PCDH19: variants seen among roughly 807,000 people sequenced by gnomAD.
PCDH19 encodes the protein protocadherin-19.
PCDH19 carries 6 observed loss-of-function variants against 46.2 expected under a neutral mutation model. That is an observed-to-expected ratio of 0.13 (90% CI 0.07 to 0.26). The LOEUF is 0.26. Among genes scored for constraint, PCDH19 ranks in the 10% least tolerant of loss-of-function variants. PCDH19 has a pLI of 1.00. For missense variants in PCDH19, 740 were observed against 972.3 expected, an observed-to-expected ratio of 0.76 and a Z score of 3.18; for synonymous variants, 481 against 415.7, an observed-to-expected ratio of 1.16 and a Z score of -1.91.
rs181838437 is a variant in PCDH19, at chrX:100,340,254, A to T, written c.2848+1649T>A. Among the ~76,000 whole-genome samples the T allele has an allele frequency of 6.3e-5, 7 of 111,989 alleles. No individual in the cohort carries two copies. In the East Asian group the frequency reaches 2.0e-3, roughly 31 times the overall value. ...GTAATACATCCAATTTGTAAGAAAC[A>T]CTCTCTCAGAAAAAACTAGCTGCAG... On this transcript the variant is annotated intron_variant, in intron 5 of 5. Transcript: ENST00000373034.
At chrX:100,363,856 C>CATGTGTGCGTGT (rs57620335) in intron 3 of PCDH19, among the ~76,000 whole-genome samples, 2 of 88,970 alleles carry the variant, frequency 2.2e-5, no homozygotes, top group African/African-American at 8.7e-5. Context: ...AATGTGCGTG[C>CATGTGTGCGTGT]GTGTGTGTGT....
chrX:100,381,901 T>C (rs1927563285), intron 3 of PCDH19, among the ~76,000 whole-genome samples: 1 of 111,340 alleles, frequency 9.0e-6, no homozygotes, highest in Admixed American at 9.6e-5. Flanking sequence ...GCAACAACCT[T>C]CCCTACACAC....
At chrX:100,382,869 C>T (rs374943045) in intron 3 of PCDH19, among the ~76,000 whole-genome samples, 8 of 111,715 alleles carry the variant, frequency 7.2e-5, no homozygotes, top group East Asian at 2.8e-4. Flanking sequence ...ATGGGTGTCA[C>T]AGTAAGGAAC....
intron 1 of PCDH19, 70 bp downstream of exon 1, chrX:100,406,381 G>T: frequency 1.1e-6 from 1 of 873,423 alleles, no homozygotes; most frequent in Non-Finnish European, 1.7e-6. Flanking sequence ...AAAGCACCAG[G>T]ATTTTCACAC....
intron 3 of PCDH19, among the ~76,000 whole-genome samples, chrX:100,367,228 T>C (rs1262435672): frequency 1.8e-5 from 2 of 112,159 alleles, no homozygotes; most frequent in African/African-American, 3.2e-5. Flanking sequence ...GTTAAGACTA[T>C]GTGTCAGGCC....
At chrX:100,371,699 C>G (rs968603283) in intron 3 of PCDH19, among the ~76,000 whole-genome samples, 3 of 110,903 alleles carry the variant, frequency 2.7e-5, no homozygotes, top group Admixed American at 9.7e-5. Context: ...TGTTTATTAT[C>G]TCTCTTCCCC....
chrX:100,307,570 A>G (rs1924987057), intron 5 of PCDH19, among the ~76,000 whole-genome samples: 1 of 111,730 alleles, frequency 9.0e-6, no homozygotes, highest in South Asian at 3.7e-4. Context: ...AGAAAGAAAT[A>G]AAGGGCATCT....
At chrX:100,321,781 CTTTTT>C (rs1231191259) in intron 5 of PCDH19, among the ~76,000 whole-genome samples, 1 of 43,596 alleles carries the variant, frequency 2.3e-5, no homozygotes, top group African/African-American at 9.1e-5. Flanking sequence ...CCCACCTATT[CTTTTT>C]TTTTTTTTTT....
intron 5 of PCDH19, among the ~76,000 whole-genome samples, chrX:100,333,225 G>A (rs889935357): frequency 2.3e-4 from 24 of 105,906 alleles, no homozygotes; most frequent in African/African-American, 8.3e-4. Context: ...AAGAAAGAAA[G>A]AAAGAAAGAA....
In PCDH19 at chrX:100,292,339, C is replaced by CTACA. The variant is rs1167922097; in HGVS notation, c.*3934_*3937dup. 2.7e-5 allele frequency: 3 copies of CTACA among 112,896 alleles called. No individual in the cohort carries two copies. Among genetic ancestry groups the CTACA allele is most frequent in the Admixed American group, 9.4e-5 (1 of 10,673 alleles). The allele number at this position is 112,896 out of a possible 1,213,427, so 9.3% of individuals were successfully genotyped here. A position where few individuals can be genotyped will look rare whatever the true frequency, so the allele number is the denominator to read the frequency against. On this transcript the variant is annotated 3_prime_UTR_variant, in exon 6 of 6. Transcript: ENST00000373034. ...AGCATCATCAGTTTTCCCTAATGAC[C>CTACA]TACAATGCTTTCCAATCAAGATCAG...
At chrX:100,376,447 A>G (rs1227452383) in intron 3 of PCDH19, among the ~76,000 whole-genome samples, 1 of 111,043 alleles carries the variant, frequency 9.0e-6, no homozygotes, top group Non-Finnish European at 1.9e-5. Flanking sequence ...ATTGTTAAAG[A>G]AAAAACTTAA....
At chrX:100,363,885 G>GTGTGTGTGTA (rs1388509950) in intron 3 of PCDH19, among the ~76,000 whole-genome samples, 8 of 95,838 alleles carry the variant, frequency 8.3e-5, no homozygotes, top group Admixed American at 1.2e-4. Flanking sequence ...GTGTGTGTGT[G>GTGTGTGTGTA]TGAGAGAGAG....
intron 5 of PCDH19, among the ~76,000 whole-genome samples, chrX:100,310,774 C>A (rs1925105901): frequency 9.3e-6 from 1 of 107,398 alleles, no homozygotes. Context: ...ATTTAAAAGT[C>A]AGATGCATTC....
intron 1 of PCDH19, 107 bp from the exon 2 acceptor site, chrX:100,403,771 A>C: frequency 1.6e-6 from 1 of 625,421 alleles, no homozygotes; most frequent in Non-Finnish European, 2.4e-6. Flanking sequence ...TTTAATTAAC[A>C]CTGACACAGA....
At chrX:100,329,124 G>A (rs1602586622) in intron 5 of PCDH19, among the ~76,000 whole-genome samples, 1 of 112,105 alleles carries the variant, frequency 8.9e-6, no homozygotes, top group African/African-American at 3.2e-5. Context: ...CGGCTAACCA[G>A]GGCCCAACAA....
At chrX:100,394,474 T>C (rs1213004653) in intron 3 of PCDH19, among the ~76,000 whole-genome samples, 1 of 111,538 alleles carries the variant, frequency 9.0e-6, no homozygotes, top group Admixed American at 9.5e-5. Context: ...CTTACTGACT[T>C]GGGGAGCTTT....
chrX:100,375,307 C>G (rs1927339884), intron 3 of PCDH19, among the ~76,000 whole-genome samples: 1 of 111,618 alleles, frequency 9.0e-6, no homozygotes, highest in African/African-American at 3.3e-5. Flanking sequence ...TCCAAGTGTT[C>G]TCATTGTTCA....
At chrX:100,334,416 A>G (rs1259238830) in intron 5 of PCDH19, among the ~76,000 whole-genome samples, 1 of 112,037 alleles carries the variant, frequency 8.9e-6, no homozygotes, top group Non-Finnish European at 1.9e-5. Context: ...ACTCTTGCAA[A>G]TATAAGTTTA....
chrX:100,401,418 T>A (rs1184157454), intron 3 of PCDH19, among the ~76,000 whole-genome samples: 1 of 111,691 alleles, frequency 9.0e-6, no homozygotes, highest in Admixed American at 9.5e-5. Context: ...TTTGGGAGGC[T>A]GAGGTGGGAG....
Sources: allele counts gnomAD v4.1 joint callset (sites outside exome capture counted in the v4.1 genomes callset), GRCh38; gene constraint gnomAD v4.1.1; transcripts MANE v1.5; gene names NCBI Gene and HGNC (gene_info 2026-07-23, HGNC 2026-07-21).